Variants in ATRN observed in about 807,000 individuals in gnomAD.
ATRN encodes the protein attractin-2.
Under a neutral mutation model 178.7 loss-of-function variants are expected in ATRN, and 54 were observed. The observed-to-expected ratio is 0.30, with a 90% CI of 0.24 to 0.38. The LOEUF (loss-of-function observed/expected upper bound fraction) is 0.38. Among genes scored for constraint, ATRN ranks in the 10% least tolerant of loss-of-function variants. The pLI is 1.00. For missense variants in ATRN, 1,443 were observed against 1,815.1 expected, an observed-to-expected ratio of 0.79 and a Z score of 3.73; for synonymous variants, 636 against 663.0, an observed-to-expected ratio of 0.96 and a Z score of 0.63.
chr20:3,512,577 T>C (rs893720620), intron 1 of ATRN, among the ~76,000 whole-genome samples: 1 of 152,176 alleles, frequency 6.6e-6, no homozygotes, highest in Non-Finnish European at 1.5e-5. Flanking sequence ...TACGTGTGCA[T>C]GTGTCTTTGT....
At chr20:3,535,167 T>G in intron 1 of ATRN, 86 bp from the exon 2 acceptor site, 1 of 485,754 alleles carries the variant, frequency 2.1e-6, no homozygotes, top group Non-Finnish European at 3.0e-6. Flanking sequence ...TTAAGAAATA[T>G]TAATATATGA....
intron 11 of ATRN, among the ~76,000 whole-genome samples, chr20:3,571,385 A>G (rs529083754): frequency 4.6e-5 from 7 of 152,130 alleles, no homozygotes; most frequent in African/African-American, 1.4e-4. Context: ...TTGCTATTCT[A>G]TCTTTGTGCT....
chr20:3,510,177 A>G (rs1242734078), intron 1 of ATRN, among the ~76,000 whole-genome samples: 4 of 152,194 alleles, frequency 2.6e-5, no homozygotes, highest in Admixed American at 1.3e-4. Context: ...TTGACCTGCA[A>G]TGTCCTTTGT....
At chr20:3,487,793 G>C (rs564008232) in intron 1 of ATRN, among the ~76,000 whole-genome samples, 1 of 152,260 alleles carries the variant, frequency 6.6e-6, no homozygotes, top group African/African-American at 2.4e-5. Flanking sequence ...ACTCAAATGG[G>C]TGTGGGACTC....
chr20:3,617,608 C>T (rs2086861014), intron 24 of ATRN, among the ~76,000 whole-genome samples: 1 of 152,048 alleles, frequency 6.6e-6, no homozygotes, highest in Non-Finnish European at 1.5e-5. Context: ...CACTTGAAGC[C>T]AGGAGTTCGA....
intron 11 of ATRN, among the ~76,000 whole-genome samples, chr20:3,571,834 T>C (rs2086129968): frequency 6.6e-6 from 1 of 152,184 alleles, no homozygotes; most frequent in Non-Finnish European, 1.5e-5. Context: ...TTAATTCATA[T>C]GACCAGATTT....
rs77242749 is a variant in ATRN, at chr20:3,582,864, C to T, written c.2764+510C>T. ...ACTACGCGAGAGCTGCAGGAGAGTA[C>T]TGAGCAGACAGACACTCGGAGTAGC... On this transcript the variant is annotated intron_variant, in intron 16 of 28. Transcript: ENST00000262919. Among the ~76,000 whole-genome samples, 370 of 152,276 alleles carry T rather than the reference C, an allele frequency of 2.4e-3. 1 individual carries two copies. The highest frequency in any genetic ancestry group is 8.5e-3 in the African/African-American group (354 of 41,550).
intron 27 of ATRN, among the ~76,000 whole-genome samples, chr20:3,643,421 T>C (rs2087083865): frequency 6.6e-6 from 1 of 152,082 alleles, no homozygotes; most frequent in Admixed American, 6.5e-5. Context: ...ATCCCAGCAC[T>C]TTGGGAGGCT....
chr20:3,645,031 A>C lies in ATRN; in HGVS notation c.4165+763A>C, dbSNP rs1379812634. On this transcript the variant is annotated intron_variant, in intron 28 of 28. Transcript: ENST00000262919. The surrounding 1 kb of genome is among the most constrained non-coding windows in gnomAD (Gnocchi z 4.7). The stretch of plus-strand genomic sequence containing the variant: ...TCAAATATATGAATCATGATTATAT[A>C]AACTTCTATTTTGAAGACAGAAAAT... Among the ~76,000 whole-genome samples the C allele has an allele frequency of 6.6e-6, 1 of 152,390 alleles. No homozygotes were observed. The highest frequency in any genetic ancestry group is 1.9e-4 in the East Asian group (1 of 5,194).
chr20:3,507,423 T>C (rs1339728304), intron 1 of ATRN, among the ~76,000 whole-genome samples: 4 of 145,070 alleles, frequency 2.8e-5, no homozygotes, highest in Non-Finnish European at 4.6e-5. Context: ...AAAAAAAAAA[T>C]TGGAGTCAAA....
chr20:3,554,550 G>A (rs2085839302), intron 6 of ATRN, among the ~76,000 whole-genome samples: 1 of 151,838 alleles, frequency 6.6e-6, no homozygotes, highest in African/African-American at 2.4e-5. Context: ...TAGCCAGGAT[G>A]GTCTCGATCT....
chr20:3,502,083 A>G (rs971719727), intron 1 of ATRN, among the ~76,000 whole-genome samples: 3 of 152,186 alleles, frequency 2.0e-5, no homozygotes, highest in Non-Finnish European at 4.4e-5. Flanking sequence ...GGAAGACAGC[A>G]TCAAGCATTG....
rs149371578 is a variant in ATRN, at chr20:3,565,176, C to T, written c.1787-172C>T. Among the ~76,000 whole-genome samples the T allele has an allele frequency of 2.2e-3, 342 of 152,242 alleles. 1 individual carries two copies. Among genetic ancestry groups the T allele is most frequent in the African/African-American group, 7.8e-3 (325 of 41,544 alleles). On this transcript the variant is annotated intron_variant, in intron 10 of 28. Transcript: ENST00000262919. The stretch of plus-strand genomic sequence containing the variant: ...TATGATCCCGCCTTTCTTCCATGCC[C>T]TGTTGCTCTGCTGCTGCTTCATTTT...
At position 3,648,569 on chromosome 20, in the gene ATRN, G is replaced by A. The variant is rs1396659910; in HGVS notation, c.*1722G>A. The stretch of plus-strand genomic sequence containing the variant: ...TACCTTTAAATGCAGTGCCTAGAGA[G>A]AGAGTATTGTCTCTTCCCCAACACT... On this transcript the variant is annotated 3_prime_UTR_variant, in exon 29 of 29. Transcript: ENST00000262919. 1 of 152,468 alleles carries A rather than the reference G, an allele frequency of 6.6e-6. No homozygotes were observed. The highest frequency in any genetic ancestry group is 1.5e-5 in the Non-Finnish European group (1 of 68,042). 9.4% of individuals were successfully genotyped at this position (152,468 alleles called of 1,614,324 possible).
At chr20:3,554,168 A>G (rs148048898) in intron 6 of ATRN, among the ~76,000 whole-genome samples, 3 of 151,522 alleles carry the variant, frequency 2.0e-5, no homozygotes, top group East Asian at 1.9e-4. Context: ...TTTTTTTTCT[A>G]CTGATCAAAA....
At chr20:3,476,372 A>G (rs933325953) in intron 1 of ATRN, among the ~76,000 whole-genome samples, 8 of 152,090 alleles carry the variant, frequency 5.3e-5, no homozygotes, top group African/African-American at 1.9e-4. Context: ...TTGGCGTCTC[A>G]TTTTTTTCTG....
rs2087038846 is a variant in ATRN, at chr20:3,638,063, T to G, written c.3943-765T>G. On this transcript the variant is annotated intron_variant, in intron 26 of 28. Transcript: ENST00000262919. This position sits in a 1 kb window ranked among gnomAD's most constrained non-coding sequence, Gnocchi z 4.5. Reference sequence around the variant, plus strand: ...GAGGAGATAGAGCCACACCATTTTATGTATTTGACAAGTCGACGTCATAGC... The same window carrying G: ...GAGGAGATAGAGCCACACCATTTTAGGTATTTGACAAGTCGACGTCATAGC... 6.6e-6 allele frequency among the ~76,000 whole-genome samples: 1 copy of G among 152,240 alleles called. No individual in the cohort carries two copies. The highest frequency in any genetic ancestry group is 2.1e-4 in the South Asian group (1 of 4,834).
At chr20:3,630,444 T>C (rs2086981058) in intron 25 of ATRN, among the ~76,000 whole-genome samples, 1 of 152,032 alleles carries the variant, frequency 6.6e-6, no homozygotes, top group Non-Finnish European at 1.5e-5. Flanking sequence ...AAGTGCAGAG[T>C]GAGGAGGAAC....
chr20:3,588,942 A>T (rs796928656), intron 18 of ATRN, among the ~76,000 whole-genome samples: 1 of 149,682 alleles, frequency 6.7e-6, no homozygotes, highest in East Asian at 2.0e-4. Flanking sequence ...ATTCTCAGTA[A>T]TCAAATTTGT....
Sources: allele counts gnomAD v4.1 joint callset (sites outside exome capture counted in the v4.1 genomes callset), GRCh38; gene constraint gnomAD v4.1.1; non-coding constraint Gnocchi (gnomAD v3.1); transcripts MANE v1.5; gene names NCBI Gene and HGNC (gene_info 2026-07-23, HGNC 2026-07-21).